Variants in SLC71A2 observed in about 807,000 individuals in gnomAD.
SLC71A2 encodes hippocampus abundant transcript-like 1.
chr9:94,422,968 C>G, the SLC71A2 span, among the ~76,000 whole-genome samples: 2 of 136,578 alleles, frequency 1.5e-5, no homozygotes, highest in Non-Finnish European at 3.1e-5. Flanking sequence ...GAGTCTTGCT[C>G]TTGTTGCCTA....
chr9:94,430,492 C>A, the SLC71A2 span, among the ~76,000 whole-genome samples: 6 of 152,078 alleles, frequency 3.9e-5, no homozygotes, highest in African/African-American at 7.2e-5. Flanking sequence ...CACAGTCTTG[C>A]AATCACAGGC....
At chr9:94,389,109 A>T in the SLC71A2 span, among the ~76,000 whole-genome samples, 2 of 151,588 alleles carry the variant, frequency 1.3e-5, no homozygotes, top group Admixed American at 6.6e-5. Flanking sequence ...AGGCCAGAAA[A>T]TTGGTTAAAG....
the SLC71A2 span, among the ~76,000 whole-genome samples, chr9:94,377,881 C>T: frequency 1.3e-5 from 2 of 152,052 alleles, no homozygotes; most frequent in South Asian, 4.2e-4. Flanking sequence ...CTGACGTGGG[C>T]GGATCACAAG....
At chr9:94,422,334 T>TA in the SLC71A2 span, among the ~76,000 whole-genome samples, 2 of 152,178 alleles carry the variant, frequency 1.3e-5, no homozygotes, top group African/African-American at 4.8e-5. Context: ...ACTGTAAGTA[T>TA]AACAGTTTCA....
the SLC71A2 span, among the ~76,000 whole-genome samples, chr9:94,384,373 CTG>C: frequency 1.4e-5 from 2 of 141,338 alleles, no homozygotes; most frequent in Non-Finnish European, 3.0e-5. Context: ...GTCTCTCTCT[CTG>C]TTGCTCAGGC....
At chr9:94,438,127 G>A in the SLC71A2 span, among the ~76,000 whole-genome samples, 1 of 151,922 alleles carries the variant, frequency 6.6e-6, no homozygotes, top group Admixed American at 6.6e-5. Flanking sequence ...TAGTAGAGAC[G>A]AGGTTTCACC....
At chr9:94,403,352 G>A in the SLC71A2 span, among the ~76,000 whole-genome samples, 1 of 151,578 alleles carries the variant, frequency 6.6e-6, no homozygotes, top group African/African-American at 2.4e-5. Context: ...TGGCCACGCT[G>A]GTCTCAAACT....
chr9:94,423,000 G>A, the SLC71A2 span, among the ~76,000 whole-genome samples: 17 of 148,184 alleles, frequency 1.1e-4, no homozygotes, highest in African/African-American at 4.2e-4. Flanking sequence ...GCAGTGGTGC[G>A]ATATCGGTTC....
chr9:94,457,376 T>A, the SLC71A2 span, among the ~76,000 whole-genome samples: 1 of 137,060 alleles, frequency 7.3e-6, no homozygotes, highest in East Asian at 2.0e-4. Context: ...GGGAGAAAAA[T>A]TTTTTAATGC....
the SLC71A2 span, among the ~76,000 whole-genome samples, chr9:94,394,112 CA>C: frequency 7.0e-6 from 1 of 142,434 alleles, no homozygotes; most frequent in African/African-American, 2.6e-5. Context: ...TCTTAGTTTG[CA>C]TTAATTTGGG....
the SLC71A2 span, chr9:94,441,139 T>C: frequency 9.0e-7 from 1 of 1,117,036 alleles, no homozygotes; most frequent in Admixed American, 2.2e-5. Context: ...ACCAGAATAG[T>C]AATTAACATT....
the SLC71A2 span, among the ~76,000 whole-genome samples, chr9:94,441,306 G>A: frequency 6.6e-6 from 1 of 152,168 alleles, no homozygotes; most frequent in African/African-American, 2.4e-5. Flanking sequence ...TTCTGGGGAG[G>A]CCTCAGGGAG....
the SLC71A2 span, among the ~76,000 whole-genome samples, chr9:94,398,205 C>T: frequency 8.7e-5 from 13 of 148,862 alleles, no homozygotes; most frequent in Non-Finnish European, 1.3e-4. Flanking sequence ...AGTGCTTTGA[C>T]ATATATAACC....
At chr9:94,433,417 A>T in the SLC71A2 span, 2 of 150,786 alleles carry the variant, frequency 1.3e-5, no homozygotes, top group Non-Finnish European at 2.9e-5. Flanking sequence ...TCATGCCTGT[A>T]ATCCCAGCAC....
chr9:94,456,416 TC>T, the SLC71A2 span: 2 of 1,141,512 alleles, frequency 1.8e-6, no homozygotes, highest in Admixed American at 3.5e-5. Context: ...CTCTGAGTTC[TC>T]CCCATCAACA....
At chr9:94,435,666 T>C in the SLC71A2 span, among the ~76,000 whole-genome samples, 1 of 148,702 alleles carries the variant, frequency 6.7e-6, no homozygotes, top group South Asian at 2.1e-4. Flanking sequence ...TTTTTTTTTT[T>C]TTTTTGAGAT....
chr9:94,438,395 C>T, the SLC71A2 span: 2 of 1,614,178 alleles, frequency 1.2e-6, no homozygotes, highest in Non-Finnish European at 8.5e-7. Flanking sequence ...TTGGTTTCCT[C>T]TCCAGGGCCT....
chr9:94,450,363 AC>A, the SLC71A2 span, among the ~76,000 whole-genome samples: 1 of 152,090 alleles, frequency 6.6e-6, no homozygotes, highest in Non-Finnish European at 1.5e-5. Context: ...TAGCCCTAGG[AC>A]TTTTCATTAG....
chr9:94,415,400 A>G, the SLC71A2 span: 1 of 626,658 alleles, frequency 1.6e-6, no homozygotes, highest in Non-Finnish European at 2.8e-6. Flanking sequence ...TTTTTTTTCC[A>G]TTGTGGTTTC....
Sources: allele counts gnomAD v4.1 joint callset (sites outside exome capture counted in the v4.1 genomes callset), GRCh38; gene constraint gnomAD v4.1.1; transcripts MANE v1.5; gene names NCBI Gene and HGNC (gene_info 2026-07-23, HGNC 2026-07-21).